Variants in INO80 observed in about 807,000 individuals in gnomAD.
INO80 encodes the protein INO80 complex ATPase subunit.
Under a neutral mutation model 203.4 loss-of-function variants are expected in INO80, and 20 were observed. The observed-to-expected ratio is 0.10, with a 90% CI of 0.07 to 0.14. INO80 has a LOEUF of 0.14. Ranked by LOEUF, INO80 falls within the 10% of genes least tolerant of loss-of-function variation. The pLI, the probability that INO80 is intolerant of heterozygous loss-of-function variation, is 1.00. For synonymous variants in INO80, 726 were observed against 685.2 expected, an observed-to-expected ratio of 1.06 and a Z score of -0.93; for missense variants, 1,419 against 1,914.4, an observed-to-expected ratio of 0.74 and a Z score of 4.83.
At chr15:41,082,986 G>A (rs1335025098) in intron 7 of INO80, among the ~76,000 whole-genome samples, 1 of 151,876 alleles carries the variant, frequency 6.6e-6, no homozygotes. Context: ...TTCCCATCAA[G>A]AATGCTCAAG....
Position 41,049,439 on chromosome 15 carries a change from G to A in INO80, c.2443-19C>T, listed in dbSNP as rs186448037. ...TACACACCTAAAAGGAAGGGAAATG[G>A]TAAGACAATATTACCACATGCAGAC... On this transcript the variant is annotated intron_variant, in intron 20 of 35. Coordinates refer to ENST00000648947, the MANE Select transcript of INO80 (RefSeq NM_017553.3). 1.2e-6 allele frequency: 2 copies of A among 1,612,674 alleles called. No individual in the cohort carries two copies. The highest frequency in any genetic ancestry group is 1.7e-6 in the Non-Finnish European group (2 of 1,178,976).
Position 41,079,753 on chromosome 15 carries a change from C to T in INO80, c.1079G>A (p.Arg360Lys), listed in dbSNP as rs780969127. ...YEKVEKEHRK[R>K]AEKEALEQRK... ...CTGCTCCAAAGCTTCCTTCTCTGCT[C>T]TCTTGCGGTGCTCCTTCTCTACTTT... The change falls in exon 9 of 36, where the codon AGA becomes AAA. Residue 360 changes from arginine to lysine, a missense_variant. By Grantham distance (26) the Arg-to-Lys change is conservative (BLOSUM62 2). This residue lies in a region of INO80 where 87 missense variants were observed against 150.5 expected (regional missense o/e 0.58). Transcript: ENST00000648947. The T allele has an allele frequency of 6.8e-6, 11 of 1,614,032 alleles. No homozygotes were observed. The highest frequency in any genetic ancestry group is 9.3e-6 in the Non-Finnish European group (11 of 1,180,036).
intron 8 of INO80, 38 bp from the exon 9 acceptor site, chr15:41,079,942 A>G: frequency 6.3e-7 from 1 of 1,580,738 alleles, no homozygotes; most frequent in South Asian, 1.1e-5. Context: ...AAAGGACCCC[A>G]TACCAGAAGC....
chr15:40,990,603 A>T (rs188774756), intron 29 of INO80, among the ~76,000 whole-genome samples: 14 of 152,312 alleles, frequency 9.2e-5, no homozygotes, highest in Non-Finnish European at 1.9e-4. Flanking sequence ...AAAGAAAGTC[A>T]CCGTGAATGC....
intron 20 of INO80, 148 bp from the exon 21 acceptor site, chr15:41,049,568 A>G: frequency 1.3e-6 from 1 of 772,724 alleles, no homozygotes. Context: ...TCTGGCATCA[A>G]GGATAGACTG....
chr15:40,991,624 A>C (rs1212166598), intron 29 of INO80, among the ~76,000 whole-genome samples: 1 of 152,136 alleles, frequency 6.6e-6, no homozygotes, highest in African/African-American at 2.4e-5. Context: ...GAGAAATAGT[A>C]GTCAATGCCT....
intron 24 of INO80, among the ~76,000 whole-genome samples, chr15:41,043,720 C>G (rs1032369233): frequency 6.6e-6 from 1 of 152,158 alleles, no homozygotes; most frequent in Admixed American, 6.5e-5. Flanking sequence ...TAACAAAGAA[C>G]TGTCACTCCT....
At chr15:41,080,649 A>C (rs926229837) in intron 8 of INO80, among the ~76,000 whole-genome samples, 1 of 152,176 alleles carries the variant, frequency 6.6e-6, no homozygotes, top group African/African-American at 2.4e-5. Context: ...TGAGGTCAGG[A>C]GTTCAAGACC....
chr15:41,085,778 C>T (rs1207748854), intron 6 of INO80, among the ~76,000 whole-genome samples, 195 bp from the exon 7 acceptor site: 3 of 152,200 alleles, frequency 2.0e-5, no homozygotes, highest in Non-Finnish European at 4.4e-5. Flanking sequence ...CTGATTGATA[C>T]CTCACTAACC....
intron 25 of INO80, among the ~76,000 whole-genome samples, chr15:41,021,572 G>C (rs1210205349): frequency 3.9e-5 from 6 of 152,216 alleles, no homozygotes; most frequent in Admixed American, 3.3e-4. Context: ...CATATTTGAA[G>C]TCATCTTTAA....
intron 28 of INO80, among the ~76,000 whole-genome samples, chr15:40,998,280 C>A (rs2043908674): frequency 6.6e-6 from 1 of 152,072 alleles, no homozygotes; most frequent in South Asian, 2.1e-4. Flanking sequence ...CTCGGCCTCC[C>A]AAAGTGCTGG....
chr15:41,103,924 T>C (rs1416355351), intron 1 of INO80, among the ~76,000 whole-genome samples: 1 of 152,014 alleles, frequency 6.6e-6, no homozygotes, highest in African/African-American at 2.4e-5. Flanking sequence ...CTCTTTAAAA[T>C]TCATCTGACT....
intron 24 of INO80, 61 bp downstream of exon 24, chr15:41,044,843 T>C (rs1423502484): frequency 6.7e-6 from 10 of 1,486,774 alleles, no homozygotes; most frequent in Middle Eastern, 1.8e-4. Context: ...TTATTTTTAC[T>C]TATTCAAGGA....
intron 23 of INO80, 44 bp from the exon 24 acceptor site, chr15:41,045,119 A>G: frequency 1.3e-6 from 2 of 1,503,422 alleles, no homozygotes; most frequent in Non-Finnish European, 1.8e-6. Flanking sequence ...TGCTCCATGG[A>G]GGTTTGAGGG....
chr15:41,081,387 T>C (rs546848288), intron 7 of INO80, among the ~76,000 whole-genome samples: 1 of 152,256 alleles, frequency 6.6e-6, no homozygotes, highest in Non-Finnish European at 1.5e-5. Flanking sequence ...CTTAGCACTA[T>C]CCTGATTAAA....
rs747579178 is a variant in INO80, at chr15:41,085,461, G to T, written c.781C>A (p.Pro261Thr). The change falls in exon 7 of 36, where the codon CCT becomes ACT. Residue 261 changes from proline (P) to threonine (T), a missense_variant. This residue lies in a region of INO80 where 323 missense variants were observed against 325.4 expected (regional missense o/e 0.99). Coordinates refer to ENST00000648947, the MANE Select transcript of INO80 (RefSeq NM_017553.3). ...GATAAGTGCTTTTTCTTAGTGCCAG[G>T]GGGAGGTGCATCGTGAGAAAACTTG... is the stretch of plus-strand genomic sequence containing the variant. ...FAKFSHDAPPPGTKKKHLSIE... is the reference protein window; with the variant it reads ...FAKFSHDAPPTGTKKKHLSIE... 89 of 1,614,196 alleles carry T rather than the reference G, an allele frequency of 5.5e-5. No individual in the cohort carries two copies. Among genetic ancestry groups the T allele is most frequent in the Non-Finnish European group, 7.3e-5 (86 of 1,180,038 alleles).
At chr15:41,099,506 G>C (rs1012275182) in intron 1 of INO80, among the ~76,000 whole-genome samples, 2 of 152,046 alleles carry the variant, frequency 1.3e-5, no homozygotes, top group African/African-American at 4.8e-5. Flanking sequence ...TTTTGGCCAG[G>C]AGCAGTGGCT....
At chr15:41,058,868 A>T in intron 15 of INO80, 87 bp from the exon 16 acceptor site, 1 of 1,315,758 alleles carries the variant, frequency 7.6e-7, no homozygotes, top group Non-Finnish European at 1.1e-6. Context: ...TCTAGGGCCA[A>T]AATGTTTAAG....
chr15:40,979,946 C>A lies in INO80; in HGVS notation c.*277G>T, dbSNP rs1893754313. 1 of 472,020 alleles carries A rather than the reference C, an allele frequency of 2.1e-6. No homozygotes were observed. 29.2% of individuals were successfully genotyped at this position (472,020 alleles called of 1,614,324 possible). A position where few individuals can be genotyped will look rare whatever the true frequency, so the allele number is the denominator to read the frequency against. ...AAGGGGGTCTGTGTCAGGCTTGCCC[C>A]GTGAGAGGTTTAAGACTTGGCTATA... On this transcript the variant is annotated 3_prime_UTR_variant, in exon 36 of 36. Coordinates refer to ENST00000648947, the MANE Select transcript of INO80 (RefSeq NM_017553.3).
Sources: allele counts gnomAD v4.1 joint callset (sites outside exome capture counted in the v4.1 genomes callset), GRCh38; gene constraint gnomAD v4.1.1; regional missense constraint gnomAD v4.1.1; transcripts MANE v1.5; gene names NCBI Gene and HGNC (gene_info 2026-07-23, HGNC 2026-07-21).